ROBO1: variants seen among roughly 807,000 people sequenced by gnomAD.
ROBO1 encodes roundabout guidance receptor 1.
In ROBO1, 149 loss-of-function variants were observed where a neutral mutation model predicts 195.9. That is an observed-to-expected ratio of 0.76 (90% confidence interval 0.67 to 0.87). The LOEUF is 0.87. Ranked by LOEUF, ROBO1 falls within the 40% of genes least tolerant of loss-of-function variation. The pLI, the probability that ROBO1 is intolerant of heterozygous loss-of-function variation, is 0.00. For missense variants in ROBO1, 1,933 were observed against 2,068.3 expected, an observed-to-expected ratio of 0.93 and a Z score of 1.27; for synonymous variants, 816 against 733.2, an observed-to-expected ratio of 1.11 and a Z score of -1.82.
chr3:79,280,880 G>A (rs1306255208), intron 2 of ROBO1, among the ~76,000 whole-genome samples: 3 of 152,124 alleles, frequency 2.0e-5, no homozygotes, highest in Non-Finnish European at 4.4e-5. Flanking sequence ...GACAGGAGGC[G>A]GAGCTCAGTT....
At chr3:78,675,160 T>C (rs1486277960) in intron 10 of ROBO1, among the ~76,000 whole-genome samples, 1 of 148,126 alleles carries the variant, frequency 6.8e-6, no homozygotes, top group Admixed American at 6.6e-5. Context: ...CATCCACTCA[T>C]TAAAAAAAAA....
intron 2 of ROBO1, among the ~76,000 whole-genome samples, chr3:79,306,639 A>G (rs1377858582): frequency 1.3e-5 from 2 of 152,210 alleles, no homozygotes; most frequent in African/African-American, 4.8e-5. Context: ...AATATATAGT[A>G]TTATTTTGTT....
chr3:78,887,491 A>G (rs1184583914), intron 4 of ROBO1, among the ~76,000 whole-genome samples: 1 of 152,234 alleles, frequency 6.6e-6, no homozygotes, highest in Non-Finnish European at 1.5e-5. Flanking sequence ...TACTTAAAGC[A>G]TGAGCTAAAT....
chr3:78,789,758 AG>A (rs1366720520), intron 4 of ROBO1, among the ~76,000 whole-genome samples: 1 of 152,162 alleles, frequency 6.6e-6, no homozygotes, highest in Admixed American at 6.5e-5. Flanking sequence ...TTGATCTCAC[AG>A]GGACTTTTAG....
intron 1 of ROBO1, among the ~76,000 whole-genome samples, chr3:79,609,286 GA>G (rs1006889412): frequency 4.7e-5 from 7 of 149,622 alleles, no homozygotes; most frequent in Non-Finnish European, 7.4e-5. Flanking sequence ...AAAAAAAACT[GA>G]AAAAAAAATT....
intron 2 of ROBO1, among the ~76,000 whole-genome samples, chr3:79,276,166 G>A (rs768220496): frequency 6.6e-6 from 1 of 152,036 alleles, no homozygotes; most frequent in Non-Finnish European, 1.5e-5. Flanking sequence ...AATAGCCACA[G>A]CTATCCTGAG....
intron 3 of ROBO1, among the ~76,000 whole-genome samples, chr3:78,974,011 C>T (rs369374436): frequency 2.6e-5 from 4 of 152,150 alleles, no homozygotes; most frequent in East Asian, 3.9e-4. Flanking sequence ...CAAAATGAAA[C>T]TGTTAAGTAT....
At chr3:78,963,495 TTTTTTTTTTTTTTTTTTTTTTTTTTC>T (rs1409885261) in intron 3 of ROBO1, among the ~76,000 whole-genome samples, 6 of 14,194 alleles carry the variant, frequency 4.2e-4, no homozygotes, top group African/African-American at 1.3e-3. Context: ...AAACCTTCAG[TTTTTTTTTTTTTTTTTTTTTTTTTTC>T]TTTTTTTTTT....
intron 8 of ROBO1, chr3:78,693,297 C>T (rs1185617438): frequency 6.5e-7 from 1 of 1,548,438 alleles, no homozygotes; most frequent in Non-Finnish European, 8.7e-7. Context: ...AGAGAAGTTC[C>T]AGTCACAGTG....
chr3:78,943,503 G>T (rs1328247285), intron 3 of ROBO1, among the ~76,000 whole-genome samples: 1 of 152,070 alleles, frequency 6.6e-6, no homozygotes, highest in Non-Finnish European at 1.5e-5. Context: ...ATTATTAAAC[G>T]CTAAATTTCT....
At position 79,007,092 on chromosome 3, in the gene ROBO1, T is replaced by C. The variant is rs111649846; in HGVS notation, c.173-68165A>G. ...GAAAACAATAACAACAAAAACAACA[T>C]AACCAAGGGAAATGAATCTGTATCA... is the stretch of plus-strand genomic sequence containing the variant. On this transcript the variant is annotated intron_variant, in intron 3 of 30. Coordinates refer to ENST00000464233, the MANE Select transcript of ROBO1 (RefSeq NM_002941.4). Among the ~76,000 whole-genome samples, 1,348 of 151,916 alleles carry C rather than the reference T, an allele frequency of 8.9e-3. 21 individuals are homozygous for C. The highest frequency in any genetic ancestry group is 0.031 in the African/African-American group (1,271 of 41,424).
At chr3:79,242,954 G>T (rs558994300) in intron 2 of ROBO1, among the ~76,000 whole-genome samples, 1 of 150,980 alleles carries the variant, frequency 6.6e-6, no homozygotes, top group South Asian at 2.1e-4. Context: ...TTAACATTAG[G>T]TATATCTCCT....
chr3:79,525,262 C>T (rs561380802), intron 2 of ROBO1, among the ~76,000 whole-genome samples: 130 of 150,078 alleles, frequency 8.7e-4, no homozygotes, highest in African/African-American at 3.0e-3. Context: ...TGTATAATGT[C>T]TGTATAATTA....
At chr3:79,656,995 A>T (rs371412740) in intron 1 of ROBO1, among the ~76,000 whole-genome samples, 8 of 152,134 alleles carry the variant, frequency 5.3e-5, no homozygotes, top group African/African-American at 9.6e-5. Flanking sequence ...ACATGATCAA[A>T]CTACATCTAT....
chr3:79,288,261 A>G (rs994325495), intron 2 of ROBO1, among the ~76,000 whole-genome samples: 2 of 152,172 alleles, frequency 1.3e-5, no homozygotes, highest in African/African-American at 4.8e-5. Flanking sequence ...GCACTTCTGA[A>G]ACTAAGGAAA....
chr3:78,835,700 A>T (rs567944229), intron 4 of ROBO1, among the ~76,000 whole-genome samples: 1 of 152,182 alleles, frequency 6.6e-6, no homozygotes, highest in Non-Finnish European at 1.5e-5. Context: ...TGAAAAATGC[A>T]TAACTCACTG....
chr3:78,688,798 C>G (rs766140847), intron 8 of ROBO1, 26 bp from the exon 9 acceptor site: 3 of 1,592,726 alleles, frequency 1.9e-6, no homozygotes, highest in South Asian at 1.1e-5. Context: ...CAAATTACAC[C>G]GAATTAAAAG....
At chr3:79,750,629 C>A (rs1704093077) in intron 1 of ROBO1, among the ~76,000 whole-genome samples, 1 of 152,192 alleles carries the variant, frequency 6.6e-6, no homozygotes, top group Admixed American at 6.5e-5. Context: ...CTCCTGAGAT[C>A]TGATGGCTTT....
At chr3:78,641,108 G>A (rs917445291) in intron 21 of ROBO1, among the ~76,000 whole-genome samples, 22 of 121,512 alleles carry the variant, frequency 1.8e-4, no homozygotes, top group African/African-American at 5.4e-4. Flanking sequence ...GCATTGTTCC[G>A]TTTGTTTGTT....
Sources: allele counts gnomAD v4.1 joint callset (sites outside exome capture counted in the v4.1 genomes callset), GRCh38; gene constraint gnomAD v4.1.1; transcripts MANE v1.5; gene names NCBI Gene and HGNC (gene_info 2026-07-23, HGNC 2026-07-21).